DCC: variants seen among roughly 807,000 people sequenced by gnomAD.
DCC encodes the protein netrin receptor DCC.
In DCC, 58 loss-of-function variants were observed where a neutral mutation model predicts 172.5. That is an observed-to-expected ratio of 0.34 (90% CI 0.27 to 0.42). The LOEUF is 0.42. DCC is among the 10% of genes least tolerant of loss of function. The probability of loss-of-function intolerance (pLI) is 1.00; values close to 1 mark genes in which losing one functional copy is unlikely to be tolerated. For missense variants in DCC, 1,740 were observed against 1,791.0 expected (o/e 0.97, Z 0.51); for synonymous variants, 709 against 644.5 (o/e 1.10, Z -1.52).
At chr18:53,216,904 CTTAAA>C (rs977043537) in intron 12 of DCC, among the ~76,000 whole-genome samples, 5 of 152,096 alleles carry the variant, frequency 3.3e-5, no homozygotes, top group African/African-American at 4.8e-5. Context: ...AGATGTGCCA[CTTAAA>C]TTAAGAGATT....
chr18:53,266,178 A>T (rs73957139), intron 12 of DCC, among the ~76,000 whole-genome samples: 6,769 of 152,154 alleles, frequency 0.044, 527 homozygotes, highest in African/African-American at 0.15. Context: ...TACACATTTC[A>T]TACCTGATTT....
intron 2 of DCC, among the ~76,000 whole-genome samples, chr18:52,893,357 T>C (rs1487231408): frequency 1.3e-5 from 2 of 152,114 alleles, no homozygotes; most frequent in African/African-American, 4.8e-5. Flanking sequence ...ATAAACCTAA[T>C]ACAGTGCCTG....
intron 15 of DCC, among the ~76,000 whole-genome samples, chr18:53,347,211 C>A (rs2057736059): frequency 6.6e-6 from 1 of 152,178 alleles, no homozygotes; most frequent in South Asian, 2.1e-4. Context: ...TACTGGGGTG[C>A]TTTCCATACT....
intron 15 of DCC, among the ~76,000 whole-genome samples, chr18:53,342,975 TGTG>T (rs1445308893): frequency 1.4e-5 from 2 of 144,382 alleles, no homozygotes; most frequent in Non-Finnish European, 3.1e-5. Context: ...ATAGATGTAT[TGTG>T]GTATTTATAA....
chr18:53,263,038 T>C (rs1276633079), intron 12 of DCC, among the ~76,000 whole-genome samples: 2 of 152,168 alleles, frequency 1.3e-5, no homozygotes, highest in African/African-American at 4.8e-5. Flanking sequence ...TTTGGGGGTA[T>C]GGGGAACAAA....
intron 1 of DCC, among the ~76,000 whole-genome samples, chr18:52,699,601 A>G (rs1485019953): frequency 6.6e-6 from 1 of 152,222 alleles, no homozygotes; most frequent in Non-Finnish European, 1.5e-5. Context: ...TTGTTGATAA[A>G]TTCCCCAAAC....
chr18:53,130,337 C>A (rs2043632834), intron 7 of DCC, among the ~76,000 whole-genome samples: 1 of 152,124 alleles, frequency 6.6e-6, no homozygotes, highest in Non-Finnish European at 1.5e-5. Context: ...AAAACACATC[C>A]TCTTATCTTT....
At chr18:53,309,922 G>GTATATATATATATATATA (rs5825006) in intron 13 of DCC, among the ~76,000 whole-genome samples, 1 of 123,510 alleles carries the variant, frequency 8.1e-6, no homozygotes, top group African/African-American at 3.4e-5. Flanking sequence ...ATATGTGCGT[G>GTATATATATATATATATA]TATATATATA....
intron 27 of DCC, among the ~76,000 whole-genome samples, chr18:53,523,383 A>G (rs1382945338): frequency 6.6e-6 from 1 of 152,216 alleles, no homozygotes; most frequent in Non-Finnish European, 1.5e-5. Flanking sequence ...AGAATTAGAA[A>G]TGCCATTTGA....
intron 5 of DCC, among the ~76,000 whole-genome samples, chr18:53,008,874 AT>A (rs1203042144): frequency 6.6e-6 from 1 of 152,014 alleles, no homozygotes; most frequent in Non-Finnish European, 1.5e-5. Flanking sequence ...TCTTGCATCA[AT>A]AATGTCAGAA....
At chr18:52,855,325 T>A (rs570380286) in intron 2 of DCC, among the ~76,000 whole-genome samples, 1 of 152,296 alleles carries the variant, frequency 6.6e-6, no homozygotes, top group South Asian at 2.1e-4. Flanking sequence ...GGTAAAAGAG[T>A]AGATTGTTTT....
intron 23 of DCC, among the ~76,000 whole-genome samples, chr18:53,451,421 T>C (rs1327176880): frequency 6.6e-6 from 1 of 152,188 alleles, no homozygotes. Context: ...GAGTCAGCAA[T>C]AATCTCACAG....
At chr18:53,441,069 G>T (rs12962464) in intron 22 of DCC, among the ~76,000 whole-genome samples, 1 of 151,970 alleles carries the variant, frequency 6.6e-6, no homozygotes, top group African/African-American at 2.4e-5. Context: ...CCATGTTGTA[G>T]CAATCCAAAA....
chr18:52,394,779 G>T (rs1264071739), intron 1 of DCC, among the ~76,000 whole-genome samples: 1 of 152,074 alleles, frequency 6.6e-6, no homozygotes, highest in Non-Finnish European at 1.5e-5. Flanking sequence ...ACTGAAACCA[G>T]AGGAGCCCTA....
intron 17 of DCC, among the ~76,000 whole-genome samples, chr18:53,392,178 C>T (rs921126175): frequency 9.3e-5 from 14 of 151,228 alleles, no homozygotes; most frequent in African/African-American, 3.4e-4. Context: ...ATGCCATTGT[C>T]CCTTTAAAAT....
intron 2 of DCC, among the ~76,000 whole-genome samples, chr18:52,823,589 T>G (rs1225730684): frequency 6.6e-6 from 1 of 152,108 alleles, no homozygotes; most frequent in East Asian, 1.9e-4. Context: ...GTGGGAGATG[T>G]AGGGGACTCA....
intron 1 of DCC, among the ~76,000 whole-genome samples, chr18:52,540,898 GC>G (rs1568219441): frequency 6.6e-6 from 1 of 152,042 alleles, no homozygotes; most frequent in African/African-American, 2.4e-5. Flanking sequence ...GAGCCACCGC[GC>G]CCGGCCTCAA....
chr18:53,197,154 G>A (rs1353249552), intron 9 of DCC, among the ~76,000 whole-genome samples: 2 of 152,058 alleles, frequency 1.3e-5, no homozygotes, highest in African/African-American at 4.8e-5. Context: ...CGTTCACTAA[G>A]CAGATCATCA....
chr18:52,603,828 T>A (rs1328597633), intron 1 of DCC, among the ~76,000 whole-genome samples: 2 of 152,114 alleles, frequency 1.3e-5, no homozygotes, highest in Admixed American at 6.6e-5. Flanking sequence ...AAAGAGCATA[T>A]GCTTTTCCTT....
Sources: allele counts gnomAD v4.1 joint callset (sites outside exome capture counted in the v4.1 genomes callset), GRCh38; gene constraint gnomAD v4.1.1; transcripts MANE v1.5; gene names NCBI Gene and HGNC (gene_info 2026-07-23, HGNC 2026-07-21).